SNX29: variants seen among roughly 807,000 people sequenced by gnomAD.
SNX29 encodes sorting nexin 29, also known as sorting nexin-29.
SNX29 carries 78 observed loss-of-function variants against 102.1 expected under a neutral mutation model. The observed-to-expected ratio is 0.76, with a 90% CI of 0.64 to 0.92. SNX29 has a LOEUF of 0.92. SNX29 is among the 40% of genes least tolerant of loss of function. SNX29 has a pLI of 0.00. For missense variants in SNX29, 1,280 were observed against 1,061.7 expected (o/e 1.21, Z -2.86); for synonymous variants, 580 against 414.5 (o/e 1.40, Z -4.85).
intron 19 of SNX29, among the ~76,000 whole-genome samples, chr16:12,495,859 C>T (rs2088795116): frequency 6.6e-6 from 1 of 152,076 alleles, no homozygotes; most frequent in African/African-American, 2.4e-5. Flanking sequence ...TTTGAACTGG[C>T]CTGGCAAACA....
At chr16:12,087,022 G>C (rs2052234142) in intron 11 of SNX29, 1 of 152,096 alleles carries the variant, frequency 6.6e-6, no homozygotes. Context: ...ATAACAAGCA[G>C]GGTAACCATC....
rs547547380 is a variant in SNX29 at position 12,486,692 on chromosome 16, C to T, written c.2178+8833C>T. On this transcript the variant is annotated intron_variant, in intron 19 of 20. Transcript: ENST00000566228. ...CCGTTGCCCATTTGATGGACATTCA[C>T]ATTAACTCCCTAAGTCAACTCCTCA... 3.3e-5 allele frequency among the ~76,000 whole-genome samples: 5 copies of T among 152,348 alleles called. No homozygotes were observed. The South Asian group carries it at 1.0e-3, about 32-fold the overall frequency.
chr16:12,324,584 T>C (rs1423919104), intron 15 of SNX29, among the ~76,000 whole-genome samples: 1 of 152,122 alleles, frequency 6.6e-6, no homozygotes, highest in Non-Finnish European at 1.5e-5. Flanking sequence ...TGTTTTCTTT[T>C]TTAAAATTGT....
At chr16:12,554,371 G>A (rs893475798) in intron 20 of SNX29, among the ~76,000 whole-genome samples, 2 of 90,954 alleles carry the variant, frequency 2.2e-5, no homozygotes, top group Non-Finnish European at 3.5e-5. Context: ...GTGTCTTGAA[G>A]GTGTTTCTGT....
intron 18 of SNX29, among the ~76,000 whole-genome samples, chr16:12,460,607 A>G (rs1212338860): frequency 6.8e-6 from 1 of 147,232 alleles, no homozygotes; most frequent in African/African-American, 2.5e-5. Context: ...CACTTATTCC[A>G]CTGGACTATA....
At chr16:12,518,227 GTTGATCAGATCAGC>G (rs2089950194) in intron 19 of SNX29, among the ~76,000 whole-genome samples, 1 of 152,144 alleles carries the variant, frequency 6.6e-6, no homozygotes, top group Non-Finnish European at 1.5e-5. Context: ...GCTTCTCAGT[GTTGATCAGATCAGC>G]TACCTGATGC....
intron 14 of SNX29, among the ~76,000 whole-genome samples, chr16:12,265,689 C>G (rs990440825): frequency 1.3e-3 from 101 of 80,658 alleles, no homozygotes; most frequent in African/African-American, 5.2e-3. Flanking sequence ...GGCAAAACCT[C>G]AACTCTACCA....
chr16:12,248,347 T>A (rs2078320314), intron 14 of SNX29, among the ~76,000 whole-genome samples: 1 of 151,602 alleles, frequency 6.6e-6, no homozygotes, highest in South Asian at 2.1e-4. Context: ...GAGTTCTTCC[T>A]CTCCATCTTT....
intron 14 of SNX29, among the ~76,000 whole-genome samples, chr16:12,203,642 T>C (rs1250407511): frequency 1.3e-5 from 2 of 152,242 alleles, no homozygotes; most frequent in Non-Finnish European, 2.9e-5. Context: ...CATGTTCAGC[T>C]GGGAGGCTGG....
In SNX29 at chr16:12,569,402, A is replaced by T. The variant is rs2079137446; in HGVS notation, c.*773A>T. On this transcript the variant is annotated 3_prime_UTR_variant, in exon 21 of 21. Transcript: ENST00000566228. ...ACATCTGGCCCAGCCATCAGCAGCAACCTAGTAACCCGGCGTCATCCAGCG... is the reference window on the plus strand; with the variant it reads ...ACATCTGGCCCAGCCATCAGCAGCATCCTAGTAACCCGGCGTCATCCAGCG... 1 of 230,500 alleles carries T rather than the reference A, an allele frequency of 4.3e-6. No individual in the cohort carries two copies. The highest frequency in any genetic ancestry group is 2.2e-5 in the African/African-American group (1 of 45,122). 14.3% of individuals were successfully genotyped at this position (230,500 alleles called of 1,614,324 possible).
intron 20 of SNX29, chr16:12,546,140 T>G (rs1163093020): frequency 6.6e-6 from 1 of 152,144 alleles, no homozygotes; most frequent in Non-Finnish European, 1.5e-5. Context: ...AAAACAGAGC[T>G]AATAACCTCC....
intron 13 of SNX29, among the ~76,000 whole-genome samples, chr16:12,197,608 C>A (rs1162479708): frequency 1.3e-5 from 2 of 152,136 alleles, no homozygotes; most frequent in Non-Finnish European, 2.9e-5. Context: ...GCTGTACAAT[C>A]CCCATCAGGG....
At chr16:12,506,054 A>G (rs570842933) in intron 19 of SNX29, among the ~76,000 whole-genome samples, 8 of 152,158 alleles carry the variant, frequency 5.3e-5, no homozygotes, top group Non-Finnish European at 7.3e-5. Flanking sequence ...TCCGCCTCCC[A>G]GGCTCAAGTG....
chr16:12,023,759 G>A (rs150426887), intron 3 of SNX29, among the ~76,000 whole-genome samples: 29 of 152,284 alleles, frequency 1.9e-4, no homozygotes, highest in Middle Eastern at 3.4e-3. Flanking sequence ...GTATGACATA[G>A]TGCTTCCAAG....
rs141679826 is a variant in SNX29 at position 12,007,446 on chromosome 16, A to G, written c.122+4403A>G. ...CTTGAACCCAGGAGGCAGAGGTTGC[A>G]GTAAGCCGAGATCACACCGTTGCAA... is the stretch of plus-strand genomic sequence containing the variant. On this transcript the variant is annotated intron_variant, in intron 3 of 20. Transcript: ENST00000566228. Among the ~76,000 whole-genome samples, 1,020 of 151,990 alleles carry G rather than the reference A, an allele frequency of 6.7e-3. 15 individuals are homozygous for G. The highest frequency in any genetic ancestry group is 0.023 in the African/African-American group (962 of 41,438).
intron 20 of SNX29, among the ~76,000 whole-genome samples, chr16:12,565,406 G>A (rs1489115540): frequency 6.6e-6 from 1 of 150,986 alleles, no homozygotes; most frequent in Non-Finnish European, 1.5e-5. Context: ...CACTCAACTT[G>A]TCCCAAATGA....
chr16:12,286,573 C>T (rs1005279651), intron 15 of SNX29, among the ~76,000 whole-genome samples: 6 of 151,552 alleles, frequency 4.0e-5, no homozygotes, highest in African/African-American at 1.5e-4. Flanking sequence ...TCTCGATCTC[C>T]TCACCTCATG....
intron 13 of SNX29, among the ~76,000 whole-genome samples, chr16:12,153,624 C>G (rs1257124741): frequency 6.6e-6 from 1 of 151,278 alleles, no homozygotes; most frequent in Non-Finnish European, 1.5e-5. Flanking sequence ...CAGGCGTGCA[C>G]CACCACACCT....
intron 20 of SNX29, among the ~76,000 whole-genome samples, chr16:12,530,010 A>G (rs1357092795): frequency 1.3e-5 from 2 of 152,200 alleles, no homozygotes; most frequent in Non-Finnish European, 2.9e-5. Flanking sequence ...GTGTGTGTTC[A>G]GTAAAGTGTC....
Sources: gnomAD v4.1 joint callset for allele counts (sites outside exome capture counted in the v4.1 genomes callset) on GRCh38, gnomAD v4.1.1 for gene constraint, MANE v1.5 for transcripts, NCBI Gene and HGNC (gene_info 2026-07-23, HGNC 2026-07-21) for gene names.